CNTNAP2: variants seen among roughly 807,000 people sequenced by gnomAD.
CNTNAP2 encodes contactin-associated protein-like 2.
CNTNAP2 carries 98 observed loss-of-function variants against 155.2 expected under a neutral mutation model. The observed-to-expected ratio is 0.63, with a 90% confidence interval of 0.54 to 0.75. The LOEUF (loss-of-function observed/expected upper bound fraction) is 0.75. CNTNAP2 is among the 30% of genes least tolerant of loss of function. CNTNAP2 has a pLI of 0.00. For missense variants in CNTNAP2, 1,727 were observed against 1,688.1 expected, an observed-to-expected ratio of 1.02 and a Z score of -0.40; for synonymous variants, 651 against 631.2, an observed-to-expected ratio of 1.03 and a Z score of -0.47.
Position 147,841,548 on chromosome 7 carries a change from C to CA in CNTNAP2, c.2099-62008dup, listed in dbSNP as rs559685720. On this transcript the variant is annotated intron_variant, in intron 13 of 23. Coordinates refer to ENST00000361727, the MANE Select transcript of CNTNAP2 (RefSeq NM_014141.6). Reference sequence around the variant, plus strand: ...CGCAATTTTCATAGACTCTGTTTTGCAAAAAAAAAGACCCTACGCTACCTA... The same window carrying CA: ...CGCAATTTTCATAGACTCTGTTTTGCAAAAAAAAAAGACCCTACGCTACCTA... 2.2e-3 allele frequency among the ~76,000 whole-genome samples: 332 copies of CA among 149,352 alleles called. 2 individuals are homozygous for CA. Among genetic ancestry groups the CA allele is most frequent in the East Asian group, 0.02 (101 of 5,122 alleles).
At chr7:147,023,277 A>T (rs1490506321) in intron 3 of CNTNAP2, among the ~76,000 whole-genome samples, 1 of 152,178 alleles carries the variant, frequency 6.6e-6, no homozygotes, top group Admixed American at 6.6e-5. Flanking sequence ...ATTTTATATT[A>T]TGTTGAGACT....
intron 14 of CNTNAP2, among the ~76,000 whole-genome samples, chr7:147,966,246 C>A (rs373841728): frequency 9.2e-5 from 14 of 152,164 alleles, no homozygotes; most frequent in East Asian, 3.9e-4. Flanking sequence ...AAAATAGTAC[C>A]TTTTAAGATG....
intron 1 of CNTNAP2, among the ~76,000 whole-genome samples, chr7:146,449,247 G>A (rs1563087969): frequency 6.6e-6 from 1 of 151,856 alleles, no homozygotes; most frequent in Non-Finnish European, 1.5e-5. Context: ...ATTATTTCTT[G>A]TTAAAACATT....
At chr7:148,354,808 G>A (rs1483949759) in intron 21 of CNTNAP2, among the ~76,000 whole-genome samples, 2 of 151,946 alleles carry the variant, frequency 1.3e-5, no homozygotes, top group African/African-American at 2.4e-5. Context: ...CAGCCCACCT[G>A]GCTAGCAAGA....
intron 13 of CNTNAP2, among the ~76,000 whole-genome samples, chr7:147,875,509 G>C (rs1204151657): frequency 6.6e-6 from 1 of 152,162 alleles, no homozygotes; most frequent in Non-Finnish European, 1.5e-5. Context: ...TACAATTCAA[G>C]ATGAGATTTG....
chr7:146,605,659 T>C (rs184035391), intron 1 of CNTNAP2, among the ~76,000 whole-genome samples: 17 of 152,318 alleles, frequency 1.1e-4, no homozygotes, highest in South Asian at 2.1e-4. Flanking sequence ...GTTAGTATTA[T>C]TATTTTAATT....
chr7:146,256,602 C>T (rs892400232), intron 1 of CNTNAP2, among the ~76,000 whole-genome samples: 24 of 150,770 alleles, frequency 1.6e-4, no homozygotes, highest in African/African-American at 5.8e-4. Flanking sequence ...AAATCAATAA[C>T]TATATGTTAG....
At chr7:147,911,616 A>G (rs892816382) in intron 14 of CNTNAP2, among the ~76,000 whole-genome samples, 31 of 152,192 alleles carry the variant, frequency 2.0e-4, no homozygotes, top group Admixed American at 5.2e-4. Flanking sequence ...TTTAAGTTTG[A>G]ATTATTTGAT....
In CNTNAP2 at chr7:146,848,452, G is replaced by T. The variant is rs141998307; in HGVS notation, c.402+8548G>T. On this transcript the variant is annotated intron_variant, in intron 3 of 23. Transcript: ENST00000361727. The stretch of plus-strand genomic sequence containing the variant: ...CAAGCATAATTGCTGTCTTCTAGGG[G>T]TCAATAAACTGGTGATAAGGCTAAA... 4.8e-4 allele frequency among the ~76,000 whole-genome samples: 73 copies of T among 152,274 alleles called. 1 individual carries two copies. The East Asian group carries it at 0.014, about 29-fold the overall frequency.
chr7:146,260,515 C>T (rs1044561713), intron 1 of CNTNAP2, among the ~76,000 whole-genome samples: 7 of 152,198 alleles, frequency 4.6e-5, no homozygotes, highest in African/African-American at 1.7e-4. Context: ...CCTTGGGAGC[C>T]TCCCCTCCTT....
At chr7:147,352,576 G>T (rs984328481) in intron 9 of CNTNAP2, among the ~76,000 whole-genome samples, 4 of 151,926 alleles carry the variant, frequency 2.6e-5, no homozygotes, top group Non-Finnish European at 5.9e-5. Context: ...CTATATGCAG[G>T]AGTAAGTAAC....
intron 21 of CNTNAP2, among the ~76,000 whole-genome samples, chr7:148,293,184 C>T (rs1797221212): frequency 6.6e-6 from 1 of 152,172 alleles, no homozygotes; most frequent in South Asian, 2.1e-4. Flanking sequence ...TCAATACATG[C>T]ATTCCTGGAC....
At chr7:146,950,257 A>G (rs1334874877) in intron 3 of CNTNAP2, among the ~76,000 whole-genome samples, 1 of 152,124 alleles carries the variant, frequency 6.6e-6, no homozygotes, top group African/African-American at 2.4e-5. Flanking sequence ...ATAACCTTCT[A>G]TCCTTGGGAA....
chr7:147,166,123 C>A (rs1417281098), intron 8 of CNTNAP2, among the ~76,000 whole-genome samples: 1 of 152,102 alleles, frequency 6.6e-6, no homozygotes, highest in Non-Finnish European at 1.5e-5. Context: ...AAATATGGAA[C>A]CAGCCCAAAT....
intron 1 of CNTNAP2, among the ~76,000 whole-genome samples, chr7:146,611,418 C>G (rs970452383): frequency 2.8e-4 from 42 of 152,150 alleles, no homozygotes; most frequent in African/African-American, 1.0e-3. Flanking sequence ...TAATAAACTA[C>G]TAGTGTTTTA....
chr7:146,780,812 G>A lies in CNTNAP2; in HGVS notation c.208+6431G>A, dbSNP rs139063265. The stretch of plus-strand genomic sequence containing the variant: ...TGCATGTTCTCACTTATAAATGGGA[G>A]CTGAACAATGAGAACACATGGACAC... On this transcript the variant is annotated intron_variant, in intron 2 of 23. Coordinates refer to ENST00000361727, the MANE Select transcript of CNTNAP2 (RefSeq NM_014141.6). 4.8e-3 allele frequency among the ~76,000 whole-genome samples: 736 copies of A among 152,194 alleles called. 6 individuals carry two copies. Among genetic ancestry groups the A allele is most frequent in the African/African-American group, 0.016 (684 of 41,528 alleles).
chr7:146,912,174 A>G (rs1355298791), intron 3 of CNTNAP2, among the ~76,000 whole-genome samples: 2 of 150,506 alleles, frequency 1.3e-5, no homozygotes, highest in South Asian at 2.1e-4. Flanking sequence ...ATATGGCTGT[A>G]TTCGTCAGCA....
chr7:147,648,929 G>A (rs1308290270), intron 13 of CNTNAP2, among the ~76,000 whole-genome samples: 3 of 152,318 alleles, frequency 2.0e-5, no homozygotes, highest in Non-Finnish European at 4.4e-5. Flanking sequence ...CCACCAAAGT[G>A]AGTATAGAAC....
chr7:146,664,114 G>A (rs1414264235), intron 1 of CNTNAP2, among the ~76,000 whole-genome samples: 2 of 148,788 alleles, frequency 1.3e-5, no homozygotes, highest in East Asian at 4.0e-4. Flanking sequence ...GCGTAAAGAT[G>A]AGCATATACT....
Sources: gnomAD v4.1 joint callset for allele counts (sites outside exome capture counted in the v4.1 genomes callset) on GRCh38, gnomAD v4.1.1 for gene constraint, MANE v1.5 for transcripts, NCBI Gene and HGNC (gene_info 2026-07-23, HGNC 2026-07-21) for gene names.